Variants in ZNF618 observed in about 807,000 individuals in gnomAD.
The protein encoded by ZNF618 is zinc finger protein 618, also known as neural precursor cell expressed, developmentally down-regulated 10.
ZNF618 carries 34 observed loss-of-function variants against 103.0 expected under a neutral mutation model. That is an observed-to-expected ratio of 0.33 (90% confidence interval 0.25 to 0.44). The LOEUF is 0.44. Ranked by LOEUF, ZNF618 falls within the 20% of genes least tolerant of loss-of-function variation. The pLI, the probability that ZNF618 is intolerant of heterozygous loss-of-function variation, is 1.00. For synonymous variants in ZNF618, 551 were observed against 542.2 expected (o/e 1.02, Z -0.23); for missense variants, 1,059 against 1,295.4 (o/e 0.82, Z 2.80).
intron 1 of ZNF618, among the ~76,000 whole-genome samples, chr9:113,918,729 A>G (rs1832354830): frequency 1.3e-5 from 2 of 152,114 alleles, no homozygotes; most frequent in Non-Finnish European, 2.9e-5. Flanking sequence ...TGTCCTTTGA[A>G]CAAGTCCCTG....
In ZNF618 at chr9:114,051,410, T is replaced by G. The variant is rs1846124439; in HGVS notation, c.*1243T>G. ...GTAGGGGAAGCAGTGGTTTGGGAGT[T>G]CTGAATGTAAGCGCCAGAGCTGCCC... On this transcript the variant is annotated 3_prime_UTR_variant, in exon 15 of 15. Coordinates refer to ENST00000374126, the MANE Select transcript of ZNF618 (RefSeq NM_001318042.2). 1 of 152,640 alleles carries G rather than the reference T, an allele frequency of 6.6e-6. No individual in the cohort carries two copies. Among genetic ancestry groups the G allele is most frequent in the African/African-American group, 2.4e-5 (1 of 41,398 alleles). The allele number at this position is 152,640 out of a possible 1,614,324, so 9.5% of individuals were successfully genotyped here.
Position 114,037,052 on chromosome 9 carries a change from C to T in ZNF618, c.1246+675C>T, listed in dbSNP as rs77916383. Among the ~76,000 whole-genome samples the T allele has an allele frequency of 6.8e-3, 1,033 of 152,320 alleles. 20 individuals carry two copies. The highest frequency in any genetic ancestry group is 0.023 in the African/African-American group (950 of 41,558). ...AACCACTGCTCTAGAGCTACAGGTG[C>T]AGTCATCTGCTCTCTAGGCAGCCTT... On this transcript the variant is annotated intron_variant, in intron 13 of 14. Coordinates refer to ENST00000374126, the MANE Select transcript of ZNF618 (RefSeq NM_001318042.2).
chr9:114,000,578 G>T (rs935145057), intron 4 of ZNF618, among the ~76,000 whole-genome samples: 1 of 135,230 alleles, frequency 7.4e-6, no homozygotes, highest in African/African-American at 2.4e-5. Flanking sequence ...AAACCAAAAG[G>T]TTGGACCCCC....
intron 1 of ZNF618, among the ~76,000 whole-genome samples, chr9:113,882,093 A>C (rs1251418070): frequency 1.3e-5 from 2 of 152,238 alleles, no homozygotes; most frequent in Non-Finnish European, 2.9e-5. Context: ...GAAGGAGATC[A>C]GAGGTAAAAG....
intron 1 of ZNF618, among the ~76,000 whole-genome samples, chr9:113,946,092 C>A (rs548794465): frequency 6.6e-6 from 1 of 152,294 alleles, no homozygotes; most frequent in Non-Finnish European, 1.5e-5. Context: ...AATGCAAGGC[C>A]TTGAGAGCCA....
At chr9:114,038,840 A>G (rs985555149) in intron 13 of ZNF618, among the ~76,000 whole-genome samples, 4 of 152,220 alleles carry the variant, frequency 2.6e-5, no homozygotes, top group African/African-American at 9.6e-5. Context: ...CTCAGAGAAC[A>G]TAATCACTGG....
chr9:113,968,005 C>T (rs1837577118), intron 1 of ZNF618, among the ~76,000 whole-genome samples: 2 of 152,116 alleles, frequency 1.3e-5, no homozygotes, highest in East Asian at 3.9e-4. Flanking sequence ...TGCCAGTTTG[C>T]AACTTCTCGT....
chr9:113,883,299 G>A (rs1381883116), intron 1 of ZNF618, among the ~76,000 whole-genome samples: 1 of 152,166 alleles, frequency 6.6e-6, no homozygotes, highest in African/African-American at 2.4e-5. Context: ...ATGTCTTGGG[G>A]GATTTTTAAA....
chr9:113,908,493 T>G (rs899344556), intron 1 of ZNF618, among the ~76,000 whole-genome samples: 2 of 152,228 alleles, frequency 1.3e-5, no homozygotes, highest in Non-Finnish European at 2.9e-5. Flanking sequence ...ATATTCTATG[T>G]TATACATTTT....
chr9:113,916,536 A>C (rs1426976079), intron 1 of ZNF618, among the ~76,000 whole-genome samples: 1 of 152,186 alleles, frequency 6.6e-6, no homozygotes, highest in Non-Finnish European at 1.5e-5. Context: ...GTCCCGTGGA[A>C]AGGGAAGGGC....
intron 1 of ZNF618, among the ~76,000 whole-genome samples, chr9:113,950,604 G>A (rs889551494): frequency 6.6e-6 from 1 of 152,170 alleles, no homozygotes; most frequent in South Asian, 2.1e-4. Flanking sequence ...AGCATTTTCC[G>A]AGTCTGTTTT....
At chr9:113,956,688 A>C (rs928399400) in intron 1 of ZNF618, among the ~76,000 whole-genome samples, 7 of 152,188 alleles carry the variant, frequency 4.6e-5, no homozygotes, top group Non-Finnish European at 7.3e-5. Flanking sequence ...TTGGTGCTCT[A>C]GGATGTTGTC....
chr9:113,919,493 A>G (rs1832441775), intron 1 of ZNF618, among the ~76,000 whole-genome samples: 1 of 152,224 alleles, frequency 6.6e-6, no homozygotes, highest in South Asian at 2.1e-4. Context: ...ATCCCTGAGG[A>G]GGAAAACTGG....
At chr9:113,941,168 C>G (rs1178812332) in intron 1 of ZNF618, among the ~76,000 whole-genome samples, 1 of 152,118 alleles carries the variant, frequency 6.6e-6, no homozygotes, top group Non-Finnish European at 1.5e-5. Context: ...TAAACTTGGG[C>G]AAGAATAAAT....
intron 1 of ZNF618, among the ~76,000 whole-genome samples, chr9:113,878,473 A>G (rs549330859): frequency 1.3e-5 from 2 of 152,356 alleles, no homozygotes; most frequent in Non-Finnish European, 2.9e-5. Context: ...AATGAATCAC[A>G]TGAAGGTGAA....
intron 1 of ZNF618, among the ~76,000 whole-genome samples, chr9:113,890,895 C>T (rs1223286326): frequency 6.6e-6 from 1 of 152,148 alleles, no homozygotes; most frequent in Non-Finnish European, 1.5e-5. Context: ...ATATGTTTTA[C>T]TTGCATTTCT....
intron 4 of ZNF618, among the ~76,000 whole-genome samples, chr9:113,998,961 G>A (rs144174646): frequency 1.4e-3 from 210 of 152,364 alleles, no homozygotes; most frequent in African/African-American, 4.5e-3. Context: ...CTCACAACCC[G>A]TTCCCCTGAG....
chr9:114,016,091 G>A, intron 9 of ZNF618: 1 of 1,570,732 alleles, frequency 6.4e-7, no homozygotes, highest in Non-Finnish European at 8.8e-7. Context: ...GTATTTATCA[G>A]TATTTTATAA....
intron 9 of ZNF618, among the ~76,000 whole-genome samples, chr9:114,010,138 C>T (rs1300699228): frequency 6.6e-6 from 1 of 151,838 alleles, no homozygotes; most frequent in African/African-American, 2.4e-5. Flanking sequence ...GGCGAAACCC[C>T]GTCACTACTA....
Sources: gnomAD v4.1 joint callset for allele counts (sites outside exome capture counted in the v4.1 genomes callset) on GRCh38, gnomAD v4.1.1 for gene constraint, MANE v1.5 for transcripts, NCBI Gene and HGNC (gene_info 2026-07-23, HGNC 2026-07-21) for gene names.